KCNH7: variants seen among roughly 807,000 people sequenced by gnomAD.
KCNH7 encodes the protein potassium voltage-gated channel subfamily H member 7.
KCNH7 carries 49 observed loss-of-function variants against 120.8 expected under a neutral mutation model. The observed-to-expected ratio is 0.41, with a 90% CI of 0.32 to 0.51. KCNH7 has a LOEUF of 0.51. Ranked by LOEUF, KCNH7 falls within the 20% of genes least tolerant of loss-of-function variation. KCNH7 has a pLI of 0.38. For synonymous variants in KCNH7, 547 were observed against 516.1 expected (o/e 1.06, Z -0.81); for missense variants, 1,097 against 1,446.6 (o/e 0.76, Z 3.92).
intron 2 of KCNH7, among the ~76,000 whole-genome samples, chr2:162,739,117 C>A (rs908987686): frequency 6.6e-6 from 1 of 152,178 alleles, no homozygotes; most frequent in Non-Finnish European, 1.5e-5. Context: ...TTGGGAGCCT[C>A]AGATGCCCCC....
At chr2:162,496,119 T>C (rs931134335) in intron 6 of KCNH7, among the ~76,000 whole-genome samples, 3 of 152,022 alleles carry the variant, frequency 2.0e-5, no homozygotes, top group African/African-American at 7.2e-5. Context: ...TAAACAGACC[T>C]CAGGAGGAGC....
chr2:162,494,999 G>A (rs1372653652), intron 6 of KCNH7, among the ~76,000 whole-genome samples: 1 of 152,154 alleles, frequency 6.6e-6, no homozygotes, highest in Non-Finnish European at 1.5e-5. Context: ...TTTAATAATT[G>A]AGTAAGCTAT....
chr2:162,731,905 T>G (rs1326985103), intron 2 of KCNH7, among the ~76,000 whole-genome samples: 1 of 152,152 alleles, frequency 6.6e-6, no homozygotes, highest in Non-Finnish European at 1.5e-5. Context: ...TACAAAAATA[T>G]AAATATAAGA....
At chr2:162,557,382 A>C (rs946777964) in intron 2 of KCNH7, among the ~76,000 whole-genome samples, 4 of 152,198 alleles carry the variant, frequency 2.6e-5, no homozygotes, top group African/African-American at 9.6e-5. Context: ...GGGCCAATTA[A>C]GGTTGAAGCT....
chr2:162,452,839 G>A (rs1688815985), intron 6 of KCNH7, among the ~76,000 whole-genome samples: 1 of 151,924 alleles, frequency 6.6e-6, no homozygotes, highest in South Asian at 2.1e-4. Context: ...ATTGTTTAAT[G>A]TCATTTTAAT....
intron 2 of KCNH7, among the ~76,000 whole-genome samples, chr2:162,685,406 C>A (rs1034473938): frequency 6.6e-6 from 1 of 151,940 alleles, no homozygotes; most frequent in Non-Finnish European, 1.5e-5. Context: ...TAAGAGATAA[C>A]CTGTACAATT....
chr2:162,672,526 C>T (rs947339098), intron 2 of KCNH7, among the ~76,000 whole-genome samples: 1 of 151,832 alleles, frequency 6.6e-6, no homozygotes, highest in Non-Finnish European at 1.5e-5. Context: ...AGTGTAATAA[C>T]ACTAAATATT....
At chr2:162,448,862 A>C (rs551193552) in intron 6 of KCNH7, among the ~76,000 whole-genome samples, 1 of 152,022 alleles carries the variant, frequency 6.6e-6, no homozygotes, top group African/African-American at 2.4e-5. Flanking sequence ...TGTGTGGGAA[A>C]ATGGGAGTCC....
rs564825429 is a variant in KCNH7, at chr2:162,686,950, G to C, written c.307+149587C>G. On this transcript the variant is annotated intron_variant, in intron 2 of 15. Transcript: ENST00000332142. ...CAGTATGGGACAGTTATTTTTAGAA[G>C]AAAGTATTTCTGTCAAAGAGGAGTT... Among the ~76,000 whole-genome samples, 344 of 152,208 alleles carry C rather than the reference G, an allele frequency of 2.3e-3. 1 individual carries two copies. Among genetic ancestry groups the C allele is most frequent in the African/African-American group, 7.8e-3 (323 of 41,572 alleles).
chr2:162,389,250 A>G (rs1028194094), intron 12 of KCNH7, among the ~76,000 whole-genome samples: 2 of 151,944 alleles, frequency 1.3e-5, no homozygotes, highest in Non-Finnish European at 2.9e-5. Flanking sequence ...AGCTCTGAGA[A>G]TTGTTTCTCA....
At chr2:162,619,002 A>T (rs1036225024) in intron 2 of KCNH7, among the ~76,000 whole-genome samples, 39 of 152,170 alleles carry the variant, frequency 2.6e-4, no homozygotes, top group African/African-American at 8.4e-4. Context: ...AGACTCAGAG[A>T]CAAAGAGGTG....
Position 162,410,336 on chromosome 2 carries a change from CTTATTCAATAAATGA to C in KCNH7, c.2155-9910_2155-9896del, listed in dbSNP as rs1298441762. ...ATAACAAACAATGAAGAAAAGATTC[CTTATTCAATAAATGA>C]TGTTTGGATAACTGGCTAGCCATAT... is the stretch of plus-strand genomic sequence containing the variant. On this transcript the variant is annotated intron_variant, in intron 9 of 15. Transcript: ENST00000332142. 2.0e-5 allele frequency among the ~76,000 whole-genome samples: 3 copies of C among 152,026 alleles called. No individual in the cohort carries two copies. The East Asian group carries it at 5.8e-4, about 29-fold the overall frequency.
chr2:162,565,545 T>A (rs993083649), intron 2 of KCNH7, among the ~76,000 whole-genome samples: 2 of 152,030 alleles, frequency 1.3e-5, no homozygotes, highest in Non-Finnish European at 2.9e-5. Context: ...GTCAGCATTA[T>A]TTTTCTGTAT....
At chr2:162,412,448 A>C (rs1455812560) in intron 9 of KCNH7, among the ~76,000 whole-genome samples, 1 of 152,156 alleles carries the variant, frequency 6.6e-6, no homozygotes, top group Admixed American at 6.6e-5. Context: ...ATGGATGACA[A>C]CTTAATATTT....
intron 2 of KCNH7, among the ~76,000 whole-genome samples, chr2:162,650,613 T>A (rs1038276733): frequency 2.0e-5 from 3 of 152,184 alleles, no homozygotes; most frequent in Non-Finnish European, 4.4e-5. Flanking sequence ...CTGACCTTCC[T>A]GAAAAGGTTA....
intron 6 of KCNH7, among the ~76,000 whole-genome samples, chr2:162,482,435 G>A (rs368700199): frequency 2.6e-5 from 4 of 151,908 alleles, no homozygotes; most frequent in African/African-American, 7.2e-5. Context: ...CTTCTGTGGT[G>A]TGTGTGTGTG....
At chr2:162,577,378 T>C (rs556062119) in intron 2 of KCNH7, among the ~76,000 whole-genome samples, 1 of 143,834 alleles carries the variant, frequency 7.0e-6, no homozygotes, top group African/African-American at 2.6e-5. Context: ...TCTATCTATC[T>C]ATCTATCTAT....
intron 14 of KCNH7, among the ~76,000 whole-genome samples, chr2:162,375,558 G>A (rs1686134919): frequency 6.6e-6 from 1 of 152,144 alleles, no homozygotes; most frequent in African/African-American, 2.4e-5. Context: ...AAGGGCAGCA[G>A]TTTGCTGATA....
intron 11 of KCNH7, among the ~76,000 whole-genome samples, chr2:162,395,980 A>G (rs1481150979): frequency 6.6e-6 from 1 of 151,764 alleles, no homozygotes; most frequent in Non-Finnish European, 1.5e-5. Flanking sequence ...ATTTAGAATT[A>G]GAGTGGAGTT....
Sources: gnomAD v4.1 joint callset for allele counts (sites outside exome capture counted in the v4.1 genomes callset) on GRCh38, gnomAD v4.1.1 for gene constraint, MANE v1.5 for transcripts, NCBI Gene and HGNC (gene_info 2026-07-23, HGNC 2026-07-21) for gene names.